The following MICAL1 variants were observed in gnomAD, a reference collection of about 807,000 sequenced individuals.
MICAL1 encodes microtubule associated monooxygenase, calponin and LIM domain containing 1, also known as [F-actin]-monooxygenase MICAL1.
Under a neutral mutation model 131.8 loss-of-function variants are expected in MICAL1, and 95 were observed. That is an observed-to-expected ratio of 0.72 (90% CI 0.61 to 0.86). MICAL1 has a LOEUF of 0.86. MICAL1 is among the 40% of genes least tolerant of loss of function. The probability of loss-of-function intolerance (pLI) is 0.00; values close to 1 mark genes in which losing one functional copy is unlikely to be tolerated. For missense variants in MICAL1, 1,292 were observed against 1,380.6 expected, an observed-to-expected ratio of 0.94 and a Z score of 1.02; for synonymous variants, 546 against 554.2, an observed-to-expected ratio of 0.99 and a Z score of 0.21.
At chr6:109,458,123 GA>G (rs34496161), upstream of MICAL1, among the ~76,000 whole-genome samples, 217 of 137,384 alleles carry the variant, frequency 1.6e-3, no homozygotes, top group African/African-American at 3.4e-3. Context: ...TTTCTTCCAA[GA>G]AAAAAAAAAA....
chr6:109,455,920 AT>A, upstream of MICAL1: 1 of 985,406 alleles, frequency 1.0e-6, no homozygotes, highest in Non-Finnish European at 1.2e-6. The surrounding 1 kb of genome is among the most constrained non-coding windows in gnomAD (Gnocchi z 4.7). Context: ...CCCGGGCTTT[AT>A]TCGCGACTCA....
upstream of MICAL1, among the ~76,000 whole-genome samples, chr6:109,460,034 G>GA (rs1331243272): frequency 6.6e-6 from 1 of 152,112 alleles, no homozygotes; most frequent in Non-Finnish European, 1.5e-5. Context: ...TCTCTATCCT[G>GA]ACCCCTGCTC....
At chr6:109,448,572 G>A (rs1775355517) in intron 12 of MICAL1, 160 bp downstream of exon 12, 1 of 1,299,308 alleles carries the variant, frequency 7.7e-7, no homozygotes, top group Non-Finnish European at 1.1e-6. Flanking sequence ...CTGGCTTTGG[G>A]GGCCTGTGCC....
chr6:109,462,490 T>C (rs1434129143), intron 1 of MICAL1: 3 of 152,208 alleles, frequency 2.0e-5, no homozygotes, highest in Non-Finnish European at 2.9e-5. Flanking sequence ...TCCTGGACAA[T>C]AGTAAGGACT....
In MICAL1 at chr6:109,444,074, A is replaced by G. The variant is rs1775094437; in HGVS notation, c.*117T>C. On this transcript the variant is annotated 3_prime_UTR_variant, in exon 25 of 25. Coordinates refer to ENST00000358807, the MANE Select transcript of MICAL1 (RefSeq NM_022765.4). ...GGTGTGAACGCTGTTTGTGGCAGAA[A>G]CATTTTAATTGTAAACAGCAAGGCT... The G allele has an allele frequency of 2.0e-6, 3 of 1,494,566 alleles. No homozygotes were observed. The highest frequency in any genetic ancestry group is 2.7e-6 in the Non-Finnish European group (3 of 1,123,316). 92.6% of individuals were successfully genotyped at this position (1,494,566 alleles called of 1,614,324 possible).
At position 109,446,281 on chromosome 6, in the gene MICAL1, C is replaced by A; in HGVS notation, c.2436G>T (p.Glu812Asp). ...TRRQIRLSSP[E>D]RQRLSSLNLT... ...GGTTAAGGGAGGACAACCGCTGGCG[C>A]TCCGGGCTGGAGAGGCGGATCTGCC... Residue 812 changes from glutamate to aspartate, a missense_variant, in exon 19 of 25, where the codon GAG (glutamate) becomes GAT (aspartate). Coordinates refer to ENST00000358807, the MANE Select transcript of MICAL1 (RefSeq NM_022765.4). The A allele has an allele frequency of 6.2e-7, 1 of 1,613,682 alleles. No individual in the cohort carries two copies. The highest frequency in any genetic ancestry group is 1.3e-5 in the African/African-American group (1 of 74,974).
Position 109,463,828 on chromosome 6 carries a change from C to T in MICAL1, c.14+1836G>A, listed in dbSNP as rs564835232. The T allele has an allele frequency of 2.0e-5, 3 of 152,280 alleles. No homozygotes were observed. In the South Asian group the frequency reaches 6.2e-4, roughly 32 times the overall value. 9.4% of individuals were successfully genotyped at this position (152,280 alleles called of 1,614,324 possible). A position where few individuals can be genotyped will look rare whatever the true frequency, so the allele number is the denominator to read the frequency against. ...TTAAATAAACTTTTATTAACATTTT[C>T]ACCTGCTTCTTTTTATGTTTTTAAA... is the stretch of plus-strand genomic sequence containing the variant. On this transcript the variant is annotated intron_variant, in intron 1 of 24. Transcript: ENST00000630715.
Position 109,444,951 on chromosome 6 carries a change from G to A in MICAL1, c.2926C>T (p.Gln976Ter), listed in dbSNP as rs1345908162. 9 of 1,613,996 alleles carry A rather than the reference G, an allele frequency of 5.6e-6. No individual in the cohort carries two copies. The East Asian group carries it at 6.7e-5, about 12-fold the overall frequency. ...QKKLWVGQLL[Q>*]LVDKKNSLVA... Reference sequence around the variant, plus strand: ...AGGCTGTTTTTCTTGTCAACGAGCTGTAGCAGCTGTCCTACCCATAGTTTC... The same window carrying A: ...AGGCTGTTTTTCTTGTCAACGAGCTATAGCAGCTGTCCTACCCATAGTTTC... The change falls in exon 23 of 25, where the codon CAG becomes TAG. Residue 976 changes from glutamine to a stop codon, truncating the protein, a stop_gained. Transcript: ENST00000358807. LOFTEE classifies it high-confidence loss of function.
In MICAL1 at chr6:109,447,945, G is replaced by A; in HGVS notation, c.1874C>T (p.Ser625Phe). The change falls in exon 14 of 25, where the codon TCC (serine) becomes TTC (phenylalanine). Residue 625 changes from serine (S) to phenylalanine (F), a missense_variant. Coordinates refer to ENST00000358807, the MANE Select transcript of MICAL1 (RefSeq NM_022765.4). The part of the protein sequence containing the change: ...AHSPGPVSQA[S>F]PGTSSAVLFL... ...TAATACAGCACTGGAGGTCCCTGGG[G>A]AGGCCTGGCTGACAGGGCCTGCGGG... The A allele has an allele frequency of 6.2e-7, 1 of 1,611,776 alleles. No homozygotes were observed. The highest frequency in any genetic ancestry group is 8.5e-7 in the Non-Finnish European group (1 of 1,178,808).
chr6:109,446,993 T>G, intron 17 of MICAL1, 80 bp downstream of exon 17: 1 of 1,534,192 alleles, frequency 6.5e-7, no homozygotes, highest in Non-Finnish European at 8.8e-7. Flanking sequence ...TTCCATCCTG[T>G]GCCTCTCTAC....
intron 7 of MICAL1, 103 bp downstream of exon 7, chr6:109,451,497 G>A (rs1161388753): frequency 1.4e-6 from 2 of 1,379,878 alleles, no homozygotes; most frequent in South Asian, 2.6e-5. Context: ...ACAAAGGCAG[G>A]AGAGGACGGG....
intron 3 of MICAL1, 78 bp downstream of exon 3, chr6:109,453,560 G>T: frequency 6.6e-7 from 1 of 1,526,564 alleles, no homozygotes; most frequent in Non-Finnish European, 8.8e-7. Flanking sequence ...TCGACATTTG[G>T]CTGTCCCAGC....
rs761381533 is a variant in MICAL1, at chr6:109,451,626, G to A, written c.907C>T (p.Leu303=). 6 of 1,614,094 alleles carry A rather than the reference G, an allele frequency of 3.7e-6. No homozygotes were observed. Among genetic ancestry groups the A allele is most frequent in the Non-Finnish European group, 8.5e-7 (1 of 1,180,006 alleles). ...TGGCGCAGCACCCCCAGCCGCAGCAGGCACTGCTTCTTGGCTGTCATCACA... is the reference window on the plus strand; with the variant it reads ...TGGCGCAGCACCCCCAGCCGCAGCAAGCACTGCTTCTTGGCTGTCATCACA... ...YFVMTAKKQC[L]LRLGVLRQDW... The change falls in exon 7 of 25, where the codon CTG becomes TTG. Residue 303 remains leucine, a synonymous_variant. Coordinates refer to ENST00000358807, the MANE Select transcript of MICAL1 (RefSeq NM_022765.4).
upstream of MICAL1, among the ~76,000 whole-genome samples, chr6:109,456,368 G>A (rs944955235): frequency 6.6e-6 from 1 of 152,252 alleles, no homozygotes; most frequent in Non-Finnish European, 1.5e-5. Context: ...GGCGCCCCAG[G>A]ATGGATCCAA....
intron 1 of MICAL1, among the ~76,000 whole-genome samples, chr6:109,462,276 T>A (rs79706132): frequency 6.6e-6 from 1 of 152,164 alleles, no homozygotes; most frequent in South Asian, 2.1e-4. Context: ...CACTGACACG[T>A]TGATCTTGGA....
chr6:109,450,440 A>G lies in MICAL1; in HGVS notation c.1051T>C (p.Phe351Leu). The G allele has an allele frequency of 1.2e-6, 2 of 1,613,398 alleles. No individual in the cohort carries two copies. The highest frequency in any genetic ancestry group is 1.7e-6 in the Non-Finnish European group (2 of 1,179,964). ...ATHGKLGKLE[F>L]AQDAHGQPDV... ...GGCTGCCCATGGGCATCCTGGGCAA[A>G]CTCTAGTTTCCCGAGCTTGCCATGG... Residue 351 changes from phenylalanine (F) to leucine (L), a missense_variant, in exon 8 of 25, where the codon TTT becomes CTT. Transcript: ENST00000358807.
chr6:109,456,772 TCAA>T (rs537388599), upstream of MICAL1, among the ~76,000 whole-genome samples: 6 of 152,188 alleles, frequency 3.9e-5, no homozygotes, highest in Non-Finnish European at 8.8e-5. Flanking sequence ...GAGTATTACC[TCAA>T]CATCAGTGCT....
At chr6:109,450,581 C>T in intron 7 of MICAL1, 24 bp from the exon 8 acceptor site, 1 of 1,583,456 alleles carries the variant, frequency 6.3e-7, no homozygotes. Context: ...AGAGCAGAAC[C>T]TCAGAGACCT....
intron 24 of MICAL1, 114 bp from the exon 25 acceptor site, chr6:109,444,453 G>T: frequency 6.9e-7 from 1 of 1,445,624 alleles, no homozygotes; most frequent in Non-Finnish European, 9.5e-7. Flanking sequence ...TTCCTAAGCT[G>T]CCAAATTAGG....
Sources: gnomAD v4.1 joint callset for allele counts (sites outside exome capture counted in the v4.1 genomes callset) on GRCh38, gnomAD v4.1.1 for gene constraint, Gnocchi (gnomAD v3.1) non-coding constraint, MANE v1.5 for transcripts, NCBI Gene and HGNC (gene_info 2026-07-23, HGNC 2026-07-21) for gene names.